ANXA4: variants seen among roughly 807,000 people sequenced by gnomAD.
The protein encoded by ANXA4 is annexin A4, also known as 35-beta calcimedin.
A neutral mutation model predicts 49.8 loss-of-function variants in ANXA4; 39 were observed. The ratio of observed to expected loss-of-function variants is 0.78; its 90% CI spans 0.61 to 1.02. The LOEUF (loss-of-function observed/expected upper bound fraction) is 1.02, where lower values mean the gene tolerates loss of function less well. ANXA4 is among the 50% of genes least tolerant of loss of function. The pLI is 0.00. For missense variants in ANXA4, 360 were observed against 410.1 expected (o/e 0.88, Z 1.05); for synonymous variants, 134 against 152.5 (o/e 0.88, Z 0.89).
rs376761948 is a variant in ANXA4, at chr2:69,787,981, T to A, written c.10-73T>A. On this transcript the variant is annotated intron_variant, in intron 2 of 12. Coordinates refer to ENST00000394295, the MANE Select transcript of ANXA4 (RefSeq NM_001153.5). ...TAGGCTATGGTCAGTGCTCAACAAA[T>A]GTTTGCCGAATGAGATGCCTCCGTG... The A allele has an allele frequency of 1.6e-4, 205 of 1,302,360 alleles. 3 individuals are homozygous for A. The East Asian group carries it at 2.7e-3, about 17-fold the overall frequency. 80.7% of individuals were successfully genotyped at this position (1,302,360 alleles called of 1,614,324 possible). A position where few individuals can be genotyped will look rare whatever the true frequency, so the allele number is the denominator to read the frequency against.
At chr2:69,671,592 G>T (rs148179980) in intron 2 of ANXA4, among the ~76,000 whole-genome samples, 1 of 152,120 alleles carries the variant, frequency 6.6e-6, no homozygotes, top group Non-Finnish European at 1.5e-5. Flanking sequence ...GTGTAGTGGC[G>T]CATGCCTGTA....
chr2:69,721,109 A>T (rs1459319866), intron 3 of ANXA4, among the ~76,000 whole-genome samples: 1 of 152,240 alleles, frequency 6.6e-6, no homozygotes, highest in East Asian at 1.9e-4. Flanking sequence ...CATGGCAATA[A>T]ATCAAGCCCT....
At chr2:69,681,247 A>G (rs1042523407) in intron 2 of ANXA4, among the ~76,000 whole-genome samples, 5 of 152,200 alleles carry the variant, frequency 3.3e-5, no homozygotes, top group African/African-American at 7.2e-5. Context: ...TATGTGTCCA[A>G]TAATTTGTTC....
At chr2:69,821,982 G>A (rs1329584151) in intron 12 of ANXA4, among the ~76,000 whole-genome samples, 1 of 152,174 alleles carries the variant, frequency 6.6e-6, no homozygotes, top group Non-Finnish European at 1.5e-5. Flanking sequence ...TAGAACTCTT[G>A]TGCACTGTTG....
chr2:69,690,555 T>C (rs1057442382), intron 2 of ANXA4, among the ~76,000 whole-genome samples: 3 of 152,116 alleles, frequency 2.0e-5, no homozygotes, highest in African/African-American at 7.2e-5. Context: ...TTTCATCTAC[T>C]TAGTGGCTCC....
intron 2 of ANXA4, among the ~76,000 whole-genome samples, chr2:69,720,614 A>G (rs1458770085): frequency 6.6e-6 from 1 of 152,154 alleles, no homozygotes; most frequent in Non-Finnish European, 1.5e-5. Context: ...TATGTTTTTA[A>G]AAGATTCCTC....
At chr2:69,823,088 A>G (rs1179637661) in intron 12 of ANXA4, among the ~76,000 whole-genome samples, 1 of 149,846 alleles carries the variant, frequency 6.7e-6, no homozygotes, top group Non-Finnish European at 1.5e-5. Flanking sequence ...ATAATTTATT[A>G]TATATTGTTA....
chr2:69,782,802 T>C (rs1672254227), intron 2 of ANXA4, among the ~76,000 whole-genome samples: 1 of 152,252 alleles, frequency 6.6e-6, no homozygotes, highest in Admixed American at 6.5e-5. Context: ...CAAGTGGCCC[T>C]TTGTGTGCTT....
intron 1 of ANXA4, among the ~76,000 whole-genome samples, chr2:69,749,636 G>T (rs1276473854): frequency 6.6e-6 from 1 of 151,986 alleles, no homozygotes; most frequent in Non-Finnish European, 1.5e-5. Context: ...TACCATTTTG[G>T]TGTATAAAAA....
intron 1 of ANXA4, among the ~76,000 whole-genome samples, chr2:69,751,310 T>C (rs1670832293): frequency 6.6e-6 from 1 of 151,988 alleles, no homozygotes; most frequent in Non-Finnish European, 1.5e-5. Flanking sequence ...GCTCAGGGGT[T>C]CGAGACCAGC....
chr2:69,772,735 G>A (rs1010539753), intron 1 of ANXA4, among the ~76,000 whole-genome samples: 7 of 152,032 alleles, frequency 4.6e-5, no homozygotes, highest in African/African-American at 1.7e-4. Flanking sequence ...AATCTGTTTG[G>A]TGGCCAGGCG....
At chr2:69,768,679 G>A (rs1312598090) in intron 1 of ANXA4, among the ~76,000 whole-genome samples, 2 of 152,200 alleles carry the variant, frequency 1.3e-5, no homozygotes, top group Non-Finnish European at 2.9e-5. Flanking sequence ...AAACTGTCCT[G>A]TAAGTCCCAT....
intron 2 of ANXA4, among the ~76,000 whole-genome samples, chr2:69,787,688 T>C (rs1672474691): frequency 6.6e-6 from 1 of 152,224 alleles, no homozygotes; most frequent in Non-Finnish European, 1.5e-5. Context: ...CAGGAGCTGT[T>C]TCCTCTGCCT....
chr2:69,741,775 G>A (rs192867239), upstream of ANXA4, among the ~76,000 whole-genome samples: 3 of 152,294 alleles, frequency 2.0e-5, no homozygotes, highest in Admixed American at 2.0e-4. Context: ...CCCTCCGAGG[G>A]TGTGGAGCGC....
At chr2:69,776,459 A>G (rs1029846364) in intron 1 of ANXA4, among the ~76,000 whole-genome samples, 3 of 151,882 alleles carry the variant, frequency 2.0e-5, no homozygotes, top group Non-Finnish European at 2.9e-5. Context: ...AAAACAAACT[A>G]TTTTTCCTTA....
chr2:69,649,924 ATTTTTTTTT>A (rs35212855), intron 1 of ANXA4, among the ~76,000 whole-genome samples: 1 of 52,014 alleles, frequency 1.9e-5, no homozygotes, highest in African/African-American at 1.0e-4. Flanking sequence ...GCCTGGCCTG[ATTTTTTTTT>A]TTTTTTTTTT....
In ANXA4 at chr2:69,769,959, G is replaced by C. The variant is rs368130800; in HGVS notation, c.-46-11561G>C. Among the ~76,000 whole-genome samples, 17 of 152,254 alleles carry C rather than the reference G, an allele frequency of 1.1e-4. 1 individual carries two copies. The East Asian group carries it at 2.1e-3, about 19-fold the overall frequency. On this transcript the variant is annotated intron_variant, in intron 1 of 12. Transcript: ENST00000394295. ...TTTACAGGTGTGAGCCACTGCACCA[G>C]GCCTAAGATACATGTTTTTTAATTA...
intron 3 of ANXA4, among the ~76,000 whole-genome samples, chr2:69,731,794 T>G (rs544421383): frequency 6.6e-6 from 1 of 152,228 alleles, no homozygotes; most frequent in East Asian, 1.9e-4. Context: ...AACTTTATAC[T>G]GATATGATGC....
At chr2:69,683,122 C>G (rs554449964) in intron 2 of ANXA4, among the ~76,000 whole-genome samples, 2 of 152,236 alleles carry the variant, frequency 1.3e-5, no homozygotes, top group East Asian at 3.9e-4. Context: ...TAAATAATTT[C>G]CAAGAAGTAT....
Sources: allele counts gnomAD v4.1 joint callset (sites outside exome capture counted in the v4.1 genomes callset), GRCh38; gene constraint gnomAD v4.1.1; transcripts MANE v1.5; gene names NCBI Gene and HGNC (gene_info 2026-07-23, HGNC 2026-07-21).